Variants in CTNNA2 observed in about 807,000 individuals in gnomAD.
CTNNA2 encodes catenin alpha 2, also known as catenin alpha-2.
In CTNNA2, 42 loss-of-function variants were observed where a neutral mutation model predicts 101.0. The ratio of observed to expected loss-of-function variants is 0.42; its 90% confidence interval spans 0.32 to 0.54. The LOEUF (loss-of-function observed/expected upper bound fraction) is 0.54. Ranked by LOEUF, CTNNA2 falls within the 20% of genes least tolerant of loss-of-function variation. The pLI is 0.14. For synonymous variants in CTNNA2, 450 were observed against 456.4 expected, an observed-to-expected ratio of 0.99 and a Z score of 0.18; for missense variants, 871 against 1,223.1, an observed-to-expected ratio of 0.71 and a Z score of 4.29.
chr2:79,211,445 G>T (rs1674171789), intron 2 of CTNNA2, among the ~76,000 whole-genome samples: 1 of 152,178 alleles, frequency 6.6e-6, no homozygotes, highest in African/African-American at 2.4e-5. Flanking sequence ...TGAAAAGAGA[G>T]TCAGTGAAGG....
intron 7 of CTNNA2, among the ~76,000 whole-genome samples, chr2:80,126,831 C>A (rs1702162394): frequency 1.3e-5 from 2 of 152,108 alleles, no homozygotes; most frequent in African/African-American, 2.4e-5. Context: ...TGCCTTCCAG[C>A]AGTCACATCT....
intron 3 of CTNNA2, among the ~76,000 whole-genome samples, chr2:79,838,388 A>G (rs1679551559): frequency 6.6e-6 from 1 of 152,170 alleles, no homozygotes; most frequent in South Asian, 2.1e-4. Context: ...TGACAGGTTT[A>G]GAAGAAGAAA....
intron 9 of CTNNA2, among the ~76,000 whole-genome samples, chr2:80,433,711 T>C (rs371168114): frequency 1.3e-5 from 2 of 152,200 alleles, no homozygotes; most frequent in East Asian, 3.9e-4. Context: ...CCTCTCTCAC[T>C]GACTTCACAG....
intron 1 of CTNNA2, among the ~76,000 whole-genome samples, chr2:79,604,105 C>T (rs1222856448): frequency 6.6e-6 from 1 of 152,166 alleles, no homozygotes; most frequent in Non-Finnish European, 1.5e-5. Context: ...ATATTGATTG[C>T]AGTGCAATTT....
Position 79,835,237 on chromosome 2 carries a change from A to G in CTNNA2, c.299-22776A>G, listed in dbSNP as rs537836570. ...AAATCTGAACAGAATAACATTAAAC[A>G]TTTCATTTTTAAGTTGTTTATTTAA... is the stretch of plus-strand genomic sequence containing the variant. On this transcript the variant is annotated intron_variant, in intron 3 of 18. Coordinates refer to ENST00000402739, the MANE Select transcript of CTNNA2 (RefSeq NM_001282597.3). Among the ~76,000 whole-genome samples, 3 of 152,306 alleles carry G rather than the reference A, an allele frequency of 2.0e-5. No homozygotes were observed. The East Asian group carries it at 5.8e-4, about 29-fold the overall frequency.
At chr2:80,293,380 G>A (rs1297230541) in intron 7 of CTNNA2, among the ~76,000 whole-genome samples, 1 of 152,206 alleles carries the variant, frequency 6.6e-6, no homozygotes, top group Non-Finnish European at 1.5e-5. Context: ...GTTCTTCACT[G>A]AGGATAAATA....
At chr2:80,569,633 G>GTTTTTTGTTT (rs1553392642) in intron 12 of CTNNA2, among the ~76,000 whole-genome samples, 3 of 51,718 alleles carry the variant, frequency 5.8e-5, no homozygotes, top group African/African-American at 1.8e-4. Context: ...GGGTATTTAG[G>GTTTTTTGTTT]TTTTTTTTTT....
intron 10 of CTNNA2, 31 bp from the exon 11 acceptor site, chr2:80,545,876 A>G: frequency 2.5e-6 from 4 of 1,608,210 alleles, no homozygotes; most frequent in Non-Finnish European, 3.4e-6. Context: ...GTGTGTGGTC[A>G]TCATGTCCCT....
intron 7 of CTNNA2, among the ~76,000 whole-genome samples, chr2:80,250,198 A>AGTGT (rs1447484092): frequency 2.0e-4 from 29 of 142,768 alleles, no homozygotes; most frequent in African/African-American, 7.9e-4. Context: ...AGAGAGAGAG[A>AGTGT]GAGAGAGTGT....
chr2:79,918,290 A>G (rs2104367765), intron 7 of CTNNA2, among the ~76,000 whole-genome samples: 1 of 152,324 alleles, frequency 6.6e-6, no homozygotes, highest in East Asian at 1.9e-4. Context: ...AAAAGAAATG[A>G]CAAGAAAGTA....
chr2:79,817,204 A>C (rs1677580727), intron 3 of CTNNA2, among the ~76,000 whole-genome samples: 1 of 151,450 alleles, frequency 6.6e-6, no homozygotes, highest in South Asian at 2.1e-4. Flanking sequence ...ACCTCACAAC[A>C]GTCCCTGGTG....
chr2:79,799,847 C>A (rs1289786191), intron 3 of CTNNA2, among the ~76,000 whole-genome samples: 1 of 152,068 alleles, frequency 6.6e-6, no homozygotes, highest in African/African-American at 2.4e-5. Context: ...ATAAAAATAG[C>A]AACATCTTAG....
At chr2:79,340,563 G>T (rs1027556484) in intron 3 of CTNNA2, among the ~76,000 whole-genome samples, 2 of 152,134 alleles carry the variant, frequency 1.3e-5, no homozygotes, top group East Asian at 3.9e-4. Flanking sequence ...GCCGGGCGTG[G>T]TGGCTCACGC....
At chr2:80,041,369 T>A (rs1696042843) in intron 7 of CTNNA2, among the ~76,000 whole-genome samples, 1 of 152,108 alleles carries the variant, frequency 6.6e-6, no homozygotes, top group South Asian at 2.1e-4. Context: ...TCTTAACGTG[T>A]TTAAGAAATA....
chr2:79,910,715 T>C (rs1359344456), intron 7 of CTNNA2, among the ~76,000 whole-genome samples: 1 of 152,182 alleles, frequency 6.6e-6, no homozygotes, highest in Non-Finnish European at 1.5e-5. Context: ...TGCTCACAGC[T>C]ACTGAAGTCC....
chr2:79,350,281 C>G (rs942900238), intron 3 of CTNNA2, among the ~76,000 whole-genome samples: 1 of 152,056 alleles, frequency 6.6e-6, no homozygotes, highest in African/African-American at 2.4e-5. Flanking sequence ...CCTTACCCCT[C>G]TCCTAACCTC....
At chr2:80,072,184 A>G (rs1030814094) in intron 7 of CTNNA2, among the ~76,000 whole-genome samples, 1 of 152,182 alleles carries the variant, frequency 6.6e-6, no homozygotes, top group Non-Finnish European at 1.5e-5. Flanking sequence ...TGCCCCTCTT[A>G]GTCTACTTTT....
chr2:79,798,174 T>G (rs1390048027), intron 3 of CTNNA2, among the ~76,000 whole-genome samples: 1 of 152,188 alleles, frequency 6.6e-6, no homozygotes, highest in Non-Finnish European at 1.5e-5. Context: ...AACTGGATAT[T>G]CCAAGAATTC....
chr2:80,357,769 A>G (rs1673981599), intron 7 of CTNNA2, among the ~76,000 whole-genome samples: 1 of 152,190 alleles, frequency 6.6e-6, no homozygotes, highest in Non-Finnish European at 1.5e-5. Context: ...GGGCAAATTT[A>G]TAACCTATTT....
Sources: gnomAD v4.1 joint callset for allele counts (sites outside exome capture counted in the v4.1 genomes callset) on GRCh38, gnomAD v4.1.1 for gene constraint, MANE v1.5 for transcripts, NCBI Gene and HGNC (gene_info 2026-07-23, HGNC 2026-07-21) for gene names.